ACOT8: variants seen among roughly 807,000 people sequenced by gnomAD.
ACOT8 encodes the protein acyl-CoA thioesterase 8, also known as acyl-coenzyme A thioesterase 8.
ACOT8 carries 31 observed loss-of-function variants against 38.4 expected under a neutral mutation model. That is an observed-to-expected ratio of 0.81 (90% CI 0.61 to 1.09). ACOT8 has a LOEUF of 1.09. Among genes scored for constraint, ACOT8 ranks in the 50% least tolerant of loss-of-function variants. ACOT8 has a pLI of 0.00. For synonymous variants in ACOT8, 158 were observed against 170.3 expected (o/e 0.93, Z 0.56); for missense variants, 373 against 421.8 (o/e 0.88, Z 1.01).
chr20:45,845,214 G>A (rs1288302426), intron 3 of ACOT8, among the ~76,000 whole-genome samples: 2 of 152,060 alleles, frequency 1.3e-5, no homozygotes, highest in African/African-American at 4.8e-5. Flanking sequence ...TCAGCCTCCC[G>A]AGTAGCTGGG....
chr20:45,845,827 G>GTTTTTTTTT (rs940280737), intron 3 of ACOT8, among the ~76,000 whole-genome samples: 1 of 146,236 alleles, frequency 6.8e-6, no homozygotes. Flanking sequence ...ACTGACTTTG[G>GTTTTTTTTT]TTTTTTTTTG....
chr20:45,843,656 T>A lies in ACOT8; in HGVS notation c.712A>T (p.Thr238Ser). 6.2e-7 allele frequency: 1 copy of A among 1,613,382 alleles called. No individual in the cohort carries two copies. Among genetic ancestry groups the A allele is most frequent in the Non-Finnish European group, 8.5e-7 (1 of 1,179,416 alleles). Residue 238 changes from threonine (T) to serine (S), a missense_variant, in exon 5 of 6, where the codon ACT becomes TCT. By Grantham distance (58) the Thr-to-Ser change is moderately conservative. Transcript: ENST00000217455. ...AYISDYAFLG[T>S]ALLPHQWQHK... ...TGCCACTGGTGAGGCAGCAGTGCAG[T>A]GCCCAAGAAGGCATAGTCGGAGATA...
At chr20:45,854,208 T>C (rs941665285) in intron 2 of ACOT8, among the ~76,000 whole-genome samples, 8 of 126,612 alleles carry the variant, frequency 6.3e-5, no homozygotes, top group Admixed American at 2.3e-4. Flanking sequence ...TTTTTTGTTT[T>C]TGAGACAGAG....
chr20:45,853,924 G>T, intron 2 of ACOT8: 1 of 1,303,814 alleles, frequency 7.7e-7, no homozygotes, highest in South Asian at 1.2e-5. Context: ...ATCACATACT[G>T]TAAAGGTCCA....
In ACOT8 at chr20:45,857,336, C is replaced by A. The variant is rs1985530715; in HGVS notation, c.-21G>T. On this transcript the variant is annotated 5_prime_UTR_variant, in exon 1 of 6. The change creates a new upstream start codon in the 5' untranslated region. Coordinates refer to ENST00000217455, the MANE Select transcript of ACOT8 (RefSeq NM_005469.4). ...GACATCTAGTTCAATGCTGCAGGCC[C>A]TGCACACCCGCTCCGCGGAAGACGC... 1 of 1,583,298 alleles carries A rather than the reference C, an allele frequency of 6.3e-7. No homozygotes were observed. Among genetic ancestry groups the A allele is most frequent in the African/African-American group, 1.3e-5 (1 of 74,152 alleles).
intron 2 of ACOT8, chr20:45,849,244 C>CT (rs1273749698): frequency 6.6e-6 from 1 of 152,098 alleles, no homozygotes; most frequent in African/African-American, 2.4e-5. Context: ...TTGTTGTTTT[C>CT]TTTTTTGAGA....
At chr20:45,855,372 A>G in intron 1 of ACOT8, 80 bp from the exon 2 acceptor site, 1 of 1,543,640 alleles carries the variant, frequency 6.5e-7, no homozygotes, top group Non-Finnish European at 8.9e-7. Context: ...CTAATGCATG[A>G]TCTCTTCACC....
chr20:45,843,333 A>G (rs1370228032), intron 5 of ACOT8, 194 bp downstream of exon 5: 2 of 808,430 alleles, frequency 2.5e-6, no homozygotes, highest in Non-Finnish European at 4.1e-6. Context: ...AGCACATTCT[A>G]GAAATTTAGA....
intron 5 of ACOT8, chr20:45,842,566 A>G: frequency 1.0e-6 from 1 of 996,094 alleles, no homozygotes; most frequent in Non-Finnish European, 1.2e-6. Flanking sequence ...TTCCCTCCCC[A>G]TCTGGAGACT....
intron 2 of ACOT8, among the ~76,000 whole-genome samples, chr20:45,854,514 C>T (rs1487422864): frequency 1.3e-5 from 2 of 152,048 alleles, no homozygotes; most frequent in Non-Finnish European, 2.9e-5. Context: ...CGGCCTCACA[C>T]ATAGGTTTTA....
chr20:45,850,550 T>C (rs1464731121), intron 2 of ACOT8, among the ~76,000 whole-genome samples: 1 of 152,180 alleles, frequency 6.6e-6, no homozygotes, highest in Non-Finnish European at 1.5e-5. Flanking sequence ...TCTGTTTGTA[T>C]ATTCAGCCTC....
At chr20:45,852,347 T>G (rs554080549) in intron 2 of ACOT8, among the ~76,000 whole-genome samples, 7 of 144,506 alleles carry the variant, frequency 4.8e-5, no homozygotes, top group East Asian at 4.0e-4. Flanking sequence ...TTTGTGTGTG[T>G]TTTTTTTTTT....
intron 2 of ACOT8, among the ~76,000 whole-genome samples, chr20:45,849,286 C>CT (rs1202321841): frequency 4.0e-5 from 6 of 151,858 alleles, no homozygotes; most frequent in African/African-American, 9.7e-5. Context: ...AGCGCTTGTT[C>CT]TTTTTTTTGT....
At position 45,844,366 on chromosome 20, in the gene ACOT8, C is replaced by A. The variant is rs1287776409; in HGVS notation, c.543G>T (p.Gln181His). Residue 181 changes from glutamine to histidine, a missense_variant, in exon 4 of 6, where the codon CAG becomes CAT. Gln to His is a conservative substitution (Grantham distance 24, BLOSUM62 0). Transcript: ENST00000217455. The stretch of plus-strand genomic sequence containing the variant: ...CTGGCTTGATCTCAATGGGGACCTC[C>A]TGAGCAGCAATTCGGTTGAGCGCCA... ...YPLALNRIAA[Q>H]EVPIEIKPVN... The A allele has an allele frequency of 6.2e-7, 1 of 1,614,136 alleles. No individual in the cohort carries two copies. The highest frequency in any genetic ancestry group is 1.1e-5 in the South Asian group (1 of 91,080).
chr20:45,843,156 C>CT, intron 5 of ACOT8: 1 of 668,746 alleles, frequency 1.5e-6, no homozygotes, highest in Non-Finnish European at 2.1e-6. Flanking sequence ...AAATGGCAGT[C>CT]TGATGGACTG....
At position 45,841,975 on chromosome 20, in the gene ACOT8, GTGA is replaced by G; in HGVS notation, c.842-22_842-20del. 2 of 1,612,814 alleles carry G rather than the reference GTGA, an allele frequency of 1.2e-6. No homozygotes were observed. The highest frequency in any genetic ancestry group is 8.5e-7 in the Non-Finnish European group (1 of 1,179,884). ...GAGCCACCTGTGGGTGAGGTGAAGG[GTGA>G]TGATGGCCTGCTTCAGAACAGCCAA... is the stretch of plus-strand genomic sequence containing the variant. On this transcript the variant is annotated intron_variant, in intron 5 of 5. Transcript: ENST00000217455.
intron 5 of ACOT8, chr20:45,843,001 AG>A (rs761746333): frequency 1.0e-5 from 11 of 1,077,300 alleles, no homozygotes; most frequent in Admixed American, 9.5e-5. Context: ...GCAGGCCCTT[AG>A]GGACCACTGA....
intron 1 of ACOT8, among the ~76,000 whole-genome samples, 186 bp from the exon 2 acceptor site, chr20:45,855,478 C>T (rs542393819): frequency 1.1e-4 from 16 of 152,300 alleles, no homozygotes; most frequent in East Asian, 1.9e-4. Flanking sequence ...CTGGGCCGGG[C>T]GCAGTGGCTT....
At position 45,849,868 on chromosome 20, in the gene ACOT8, C is replaced by A. The variant is rs192832425; in HGVS notation, c.263-1193G>T. Among the ~76,000 whole-genome samples, 165 of 152,294 alleles carry A rather than the reference C, an allele frequency of 1.1e-3. 1 individual carries two copies. In the South Asian group the frequency reaches 0.012, roughly 11 times the overall value. On this transcript the variant is annotated intron_variant, in intron 2 of 5. Transcript: ENST00000217455. ...GGAAAAAAAGGCTTCAGGGATGCTCCCATTGCAGGCTGTTGGCATGGGGAA... is the reference window on the plus strand; with the variant it reads ...GGAAAAAAAGGCTTCAGGGATGCTCACATTGCAGGCTGTTGGCATGGGGAA...
Sources: gnomAD v4.1 joint callset for allele counts (sites outside exome capture counted in the v4.1 genomes callset) on GRCh38, gnomAD v4.1.1 for gene constraint, MANE v1.5 for transcripts, NCBI Gene and HGNC (gene_info 2026-07-23, HGNC 2026-07-21) for gene names.